CACNB2: variants seen among roughly 807,000 people sequenced by gnomAD.
The protein encoded by CACNB2 is voltage-dependent L-type calcium channel subunit beta-2.
Under a neutral mutation model 73.3 loss-of-function variants are expected in CACNB2, and 42 were observed. That is an observed-to-expected ratio of 0.57 (90% CI 0.45 to 0.74). The LOEUF is 0.74. CACNB2 is among the 30% of genes least tolerant of loss of function. The pLI, the probability that CACNB2 is intolerant of heterozygous loss-of-function variation, is 0.00. For synonymous variants in CACNB2, 348 were observed against 310.3 expected, an observed-to-expected ratio of 1.12 and a Z score of -1.28; for missense variants, 940 against 853.0, an observed-to-expected ratio of 1.10 and a Z score of -1.27.
At chr10:18,413,801 A>C (rs539579399) in intron 3 of CACNB2, among the ~76,000 whole-genome samples, 1 of 152,348 alleles carries the variant, frequency 6.6e-6, no homozygotes, top group African/African-American at 2.4e-5. Flanking sequence ...ACAGGATTCC[A>C]GTGATAATTG....
rs57557931 is a variant in CACNB2 at position 18,227,051 on chromosome 10, G to A, written c.213+76076G>A. 4.0e-3 allele frequency among the ~76,000 whole-genome samples: 612 copies of A among 152,212 alleles called. 6 individuals are homozygous for A. The East Asian group carries it at 0.045, about 11-fold the overall frequency. ...GATGACATTAGCAGCCCACATTAGA[G>A]GCAGAAAAAGAAATCTCCCTTCTGA... On this transcript the variant is annotated intron_variant, in intron 2 of 13. Transcript: ENST00000324631.
At chr10:18,235,914 A>C (rs1258961642) in intron 2 of CACNB2, among the ~76,000 whole-genome samples, 1 of 152,146 alleles carries the variant, frequency 6.6e-6, no homozygotes, top group Non-Finnish European at 1.5e-5. Flanking sequence ...TGTTCTCATG[A>C]TAGTGAGTGA....
At chr10:18,212,332 C>G (rs1274943294) in intron 2 of CACNB2, among the ~76,000 whole-genome samples, 1 of 149,968 alleles carries the variant, frequency 6.7e-6, no homozygotes, top group South Asian at 2.2e-4. Context: ...TGCTTTTATA[C>G]CTTGACTTGA....
chr10:18,502,897 C>A (rs966863374), intron 5 of CACNB2, among the ~76,000 whole-genome samples: 2 of 151,566 alleles, frequency 1.3e-5, no homozygotes, highest in Non-Finnish European at 2.9e-5. Flanking sequence ...ATCTGTACAC[C>A]AAACCCCTGT....
At chr10:18,268,990 T>C (rs533911969) in intron 2 of CACNB2, among the ~76,000 whole-genome samples, 1 of 152,096 alleles carries the variant, frequency 6.6e-6, no homozygotes, top group African/African-American at 2.4e-5. Context: ...CCAAATGTCC[T>C]TTAGGTCTGG....
At chr10:18,203,040 C>T (rs972168675) in intron 2 of CACNB2, among the ~76,000 whole-genome samples, 16 of 152,304 alleles carry the variant, frequency 1.1e-4, no homozygotes, top group African/African-American at 2.2e-4. Context: ...CTGTCACTCA[C>T]TCTTTGAAAA....
intron 2 of CACNB2, among the ~76,000 whole-genome samples, chr10:18,197,594 C>T (rs755335410): frequency 8.5e-5 from 13 of 152,140 alleles, no homozygotes; most frequent in East Asian, 1.9e-4. Flanking sequence ...CTTAAGAGGG[C>T]GCTTTTCCTG....
At chr10:18,494,738 C>G (rs2132973888) in intron 3 of CACNB2, among the ~76,000 whole-genome samples, 1 of 149,128 alleles carries the variant, frequency 6.7e-6, no homozygotes, top group South Asian at 2.1e-4. Flanking sequence ...TGATCAGAAA[C>G]TTTTCTGAAT....
chr10:18,154,640 G>A lies in CACNB2; in HGVS notation c.213+3665G>A, dbSNP rs577903649. On this transcript the variant is annotated intron_variant, in intron 2 of 13. Transcript: ENST00000324631. Reference sequence around the variant, plus strand: ...GCACCACCATGTCTGGCTAATATTCGTATTTTTAGTAGAGACAGGGTTTCG... The same window carrying A: ...GCACCACCATGTCTGGCTAATATTCATATTTTTAGTAGAGACAGGGTTTCG... Among the ~76,000 whole-genome samples, 20 of 152,114 alleles carry A rather than the reference G, an allele frequency of 1.3e-4. No individual in the cohort carries two copies. In the South Asian group the frequency reaches 3.7e-3, roughly 28 times the overall value.
chr10:18,349,011 C>T (rs888007726), intron 2 of CACNB2, among the ~76,000 whole-genome samples: 5 of 152,180 alleles, frequency 3.3e-5, no homozygotes, highest in African/African-American at 1.2e-4. Context: ...ATCCCAGCTC[C>T]TTGGGAGGCT....
At chr10:18,344,582 G>A (rs1178532043) in intron 2 of CACNB2, among the ~76,000 whole-genome samples, 1 of 152,060 alleles carries the variant, frequency 6.6e-6, no homozygotes, top group Admixed American at 6.6e-5. Context: ...ATGTTGGTCA[G>A]GCTGGTCTCG....
intron 2 of CACNB2, among the ~76,000 whole-genome samples, chr10:18,242,858 A>G (rs1383628875): frequency 6.6e-6 from 1 of 151,476 alleles, no homozygotes; most frequent in African/African-American, 2.4e-5. Flanking sequence ...AAACAAAAAA[A>G]CATTAGCCGG....
intron 2 of CACNB2, among the ~76,000 whole-genome samples, chr10:18,289,586 G>A (rs556496875): frequency 2.0e-5 from 3 of 151,880 alleles, no homozygotes; most frequent in Non-Finnish European, 2.9e-5. Flanking sequence ...GAGCCACCGC[G>A]CCCGGCCAAA....
At chr10:18,537,239 T>G (rs572737840) in intron 12 of CACNB2, among the ~76,000 whole-genome samples, 185 of 152,138 alleles carry the variant, frequency 1.2e-3, no homozygotes, top group Admixed American at 4.0e-3. Context: ...CCATCCACCT[T>G]GGCCTCCCAA....
chr10:18,532,471 G>C (rs1206800375), intron 10 of CACNB2, among the ~76,000 whole-genome samples: 1 of 151,910 alleles, frequency 6.6e-6, no homozygotes, highest in Admixed American at 6.6e-5. Context: ...TCAGGAGTTT[G>C]AGACCAGCCT....
At chr10:18,323,578 A>G (rs1035590989) in intron 2 of CACNB2, among the ~76,000 whole-genome samples, 2 of 152,214 alleles carry the variant, frequency 1.3e-5, no homozygotes, top group Admixed American at 1.3e-4. Context: ...AATCAAAAAA[A>G]GATTCACTTG....
At chr10:18,251,407 C>A (rs1457174062) in intron 2 of CACNB2, among the ~76,000 whole-genome samples, 2 of 152,060 alleles carry the variant, frequency 1.3e-5, no homozygotes, top group Non-Finnish European at 2.9e-5. Context: ...GCCACAACGC[C>A]CAGCCAATTT....
At chr10:18,318,045 C>T (rs1182843611) in intron 2 of CACNB2, among the ~76,000 whole-genome samples, 1 of 152,170 alleles carries the variant, frequency 6.6e-6, no homozygotes, top group Non-Finnish European at 1.5e-5. Context: ...AATGGCCAAA[C>T]TGCCCAAAGT....
At chr10:18,401,443 G>T (rs914301619) in intron 2 of CACNB2, among the ~76,000 whole-genome samples, 1 of 152,120 alleles carries the variant, frequency 6.6e-6, no homozygotes, top group South Asian at 2.1e-4. Flanking sequence ...GGTAAACAAG[G>T]CTTTTTCAGA....
Sources: gnomAD v4.1 joint callset for allele counts (sites outside exome capture counted in the v4.1 genomes callset) on GRCh38, gnomAD v4.1.1 for gene constraint, MANE v1.5 for transcripts, NCBI Gene and HGNC (gene_info 2026-07-23, HGNC 2026-07-21) for gene names.